SDK1: variants seen among roughly 807,000 people sequenced by gnomAD.
The protein encoded by SDK1 is protein sidekick-1.
Under a neutral mutation model 245.5 loss-of-function variants are expected in SDK1, and 157 were observed. That is an observed-to-expected ratio of 0.64 (90% CI 0.56 to 0.73). SDK1 has a LOEUF of 0.73. Ranked by LOEUF, SDK1 falls within the 30% of genes least tolerant of loss-of-function variation. The pLI, the probability that SDK1 is intolerant of heterozygous loss-of-function variation, is 0.00. For missense variants in SDK1, 3,583 were observed against 3,002.3 expected, an observed-to-expected ratio of 1.19 and a Z score of -4.52; for synonymous variants, 1,647 against 1,278.5, an observed-to-expected ratio of 1.29 and a Z score of -6.15.
At chr7:4,033,385 C>T (rs1787975351) in intron 17 of SDK1, among the ~76,000 whole-genome samples, 2 of 152,132 alleles carry the variant, frequency 1.3e-5, no homozygotes, top group South Asian at 4.1e-4. Context: ...GTTTTAGTCT[C>T]TCTAACCTGG....
intron 1 of SDK1, among the ~76,000 whole-genome samples, chr7:3,312,528 C>T (rs973387988): frequency 4.0e-5 from 6 of 151,400 alleles, no homozygotes; most frequent in Non-Finnish European, 8.8e-5. Flanking sequence ...TGGAAAAGAA[C>T]CCAGTAGGAC....
intron 1 of SDK1, among the ~76,000 whole-genome samples, chr7:3,354,980 G>A (rs779902778): frequency 3.3e-5 from 5 of 152,156 alleles, no homozygotes; most frequent in Non-Finnish European, 5.9e-5. Context: ...TGTCTGTGGG[G>A]AAGCTCTAAT....
rs754618289 is a variant in SDK1, at chr7:3,642,121, C to A, written c.713+16C>A. 1 of 1,612,642 alleles carries A rather than the reference C, an allele frequency of 6.2e-7. No homozygotes were observed. Among genetic ancestry groups the A allele is most frequent in the Admixed American group, 1.7e-5 (1 of 59,954 alleles). On this transcript the variant is annotated intron_variant, in intron 4 of 44. Coordinates refer to ENST00000404826, the MANE Select transcript of SDK1 (RefSeq NM_152744.4). Reference sequence around the variant, plus strand: ...GCAACAGAATGTAAGTTGCTCCAAACGTTAAAGCTTCAAATACAATTGTAA... The same window carrying A: ...GCAACAGAATGTAAGTTGCTCCAAAAGTTAAAGCTTCAAATACAATTGTAA...
chr7:4,150,894 C>T lies in SDK1; in HGVS notation c.4625+1431C>T, dbSNP rs7803683. Among the ~76,000 whole-genome samples, 870 of 152,352 alleles carry T rather than the reference C, an allele frequency of 5.7e-3. 10 individuals carry two copies. The highest frequency in any genetic ancestry group is 0.019 in the African/African-American group (795 of 41,588). On this transcript the variant is annotated intron_variant, in intron 30 of 44. Coordinates refer to ENST00000404826, the MANE Select transcript of SDK1 (RefSeq NM_152744.4). ...GCCCAGGGAGGGGTGGCCGACCGGG[C>T]GTCTCAGTACAGAGCTGTGAAGCTG...
At chr7:3,888,751 A>G (rs1781392208) in intron 5 of SDK1, among the ~76,000 whole-genome samples, 1 of 152,216 alleles carries the variant, frequency 6.6e-6, no homozygotes, top group Non-Finnish European at 1.5e-5. Context: ...CTGGGAGAAA[A>G]AATTCAGACA....
chr7:3,741,285 C>T (rs112720114), intron 4 of SDK1, among the ~76,000 whole-genome samples: 1 of 152,152 alleles, frequency 6.6e-6, no homozygotes, highest in Non-Finnish European at 1.5e-5. Flanking sequence ...TAGGAAGGCC[C>T]TGTCAGCCCA....
chr7:4,260,060 C>T (rs1363590180), intron 44 of SDK1, among the ~76,000 whole-genome samples: 1 of 152,058 alleles, frequency 6.6e-6, no homozygotes, highest in Non-Finnish European at 1.5e-5. Context: ...CATCGTCACC[C>T]GATGAAGGAG....
chr7:3,997,315 C>A (rs1276234224), intron 14 of SDK1, among the ~76,000 whole-genome samples: 1 of 152,154 alleles, frequency 6.6e-6, no homozygotes, highest in Non-Finnish European at 1.5e-5. Flanking sequence ...CCGGACAGCC[C>A]AGAGGAGCCC....
chr7:3,476,507 A>T (rs533809042), intron 1 of SDK1, among the ~76,000 whole-genome samples: 18 of 152,308 alleles, frequency 1.2e-4, no homozygotes, highest in African/African-American at 4.1e-4. Flanking sequence ...ACTTAGTGAA[A>T]TCTTCTAATA....
At chr7:3,538,340 CT>C (rs1015077840) in intron 1 of SDK1, among the ~76,000 whole-genome samples, 3 of 151,280 alleles carry the variant, frequency 2.0e-5, no homozygotes, top group African/African-American at 7.3e-5. Context: ...AAATCCTGTG[CT>C]TTTTTTTTGT....
intron 1 of SDK1, among the ~76,000 whole-genome samples, chr7:3,430,081 G>T (rs1779794262): frequency 6.6e-6 from 1 of 152,176 alleles, no homozygotes; most frequent in African/African-American, 2.4e-5. Flanking sequence ...CTTGAGGACA[G>T]CCCTTCTTTG....
At chr7:4,124,004 G>A (rs1338819582) in intron 25 of SDK1, among the ~76,000 whole-genome samples, 3 of 152,222 alleles carry the variant, frequency 2.0e-5, no homozygotes, top group Non-Finnish European at 4.4e-5. Context: ...GGTGAGGGTT[G>A]CGGTGAGGCC....
intron 5 of SDK1, among the ~76,000 whole-genome samples, chr7:3,932,173 C>T (rs988179332): frequency 2.0e-5 from 3 of 152,150 alleles, no homozygotes; most frequent in African/African-American, 4.8e-5. Flanking sequence ...TCTATGTGAA[C>T]AGACTACTTA....
In SDK1 at chr7:3,778,800, C is replaced by A. The variant is rs10238790; in HGVS notation, c.714-42650C>A. Among the ~76,000 whole-genome samples the A allele has an allele frequency of 5.5e-3, 842 of 152,210 alleles. 10 individuals carry two copies. The highest frequency in any genetic ancestry group is 0.019 in the African/African-American group (809 of 41,514). Reference sequence around the variant, plus strand: ...ATGTAAACTGAATAAGGTTGAAGGGCCCTGCAGGGTCGATTTCAAAGTGCT... The same window carrying A: ...ATGTAAACTGAATAAGGTTGAAGGGACCTGCAGGGTCGATTTCAAAGTGCT... On this transcript the variant is annotated intron_variant, in intron 4 of 44. Coordinates refer to ENST00000404826, the MANE Select transcript of SDK1 (RefSeq NM_152744.4).
chr7:4,098,780 C>T (rs750298003), intron 22 of SDK1, among the ~76,000 whole-genome samples: 1 of 151,276 alleles, frequency 6.6e-6, no homozygotes, highest in Non-Finnish European at 1.5e-5. Context: ...TCTCCCACCT[C>T]AGCCTCCCGA....
chr7:4,094,565 G>A (rs1309757643), intron 22 of SDK1, among the ~76,000 whole-genome samples: 1 of 152,224 alleles, frequency 6.6e-6, no homozygotes, highest in African/African-American at 2.4e-5. Flanking sequence ...AGAGACTCAG[G>A]AAAGAAGCAA....
At chr7:3,520,104 G>C (rs760222828) in intron 1 of SDK1, among the ~76,000 whole-genome samples, 11 of 152,138 alleles carry the variant, frequency 7.2e-5, no homozygotes, top group Admixed American at 7.2e-4. Flanking sequence ...CATTGTGTCA[G>C]GCAAGTAAAA....
At chr7:3,790,693 C>T (rs1781053612) in intron 4 of SDK1, among the ~76,000 whole-genome samples, 2 of 152,256 alleles carry the variant, frequency 1.3e-5, no homozygotes, top group South Asian at 2.1e-4. Context: ...GTGATCCCAG[C>T]TACTCGGGAG....
At chr7:3,991,480 AC>A (rs1246711196) in intron 14 of SDK1, among the ~76,000 whole-genome samples, 2 of 151,926 alleles carry the variant, frequency 1.3e-5, no homozygotes, top group African/African-American at 4.8e-5. Context: ...AAGACTGGGA[AC>A]CCCTTCAGGG....
Sources: allele counts gnomAD v4.1 joint callset (sites outside exome capture counted in the v4.1 genomes callset), GRCh38; gene constraint gnomAD v4.1.1; transcripts MANE v1.5; gene names NCBI Gene and HGNC (gene_info 2026-07-23, HGNC 2026-07-21).